The following MAP4 variants were observed in gnomAD, a reference collection of about 807,000 sequenced individuals.
MAP4 encodes microtubule-associated protein 4.
MAP4 carries 76 observed loss-of-function variants against 170.2 expected under a neutral mutation model. The observed-to-expected ratio is 0.45, with a 90% CI of 0.37 to 0.54. The LOEUF is 0.54. Ranked by LOEUF, MAP4 falls within the 20% of genes least tolerant of loss-of-function variation. The pLI, the probability that MAP4 is intolerant of heterozygous loss-of-function variation, is 0.00. For synonymous variants in MAP4, 909 were observed against 994.5 expected, an observed-to-expected ratio of 0.91 and a Z score of 1.62; for missense variants, 2,506 against 2,748.0, an observed-to-expected ratio of 0.91 and a Z score of 1.97.
At chr3:47,883,412 CG>C (rs1418327241) in intron 10 of MAP4, among the ~76,000 whole-genome samples, 1 of 151,724 alleles carries the variant, frequency 6.6e-6, no homozygotes, top group African/African-American at 2.4e-5. Context: ...TTAGTAGAGA[CG>C]GGGGTTTCTC....
At chr3:48,035,510 T>C (rs1453275518) in intron 1 of MAP4, among the ~76,000 whole-genome samples, 5 of 152,212 alleles carry the variant, frequency 3.3e-5, no homozygotes, top group African/African-American at 1.2e-4. Flanking sequence ...GGTATGTGCC[T>C]GTGGTCCCAG....
chr3:47,959,567 T>C (rs2100070170), intron 3 of MAP4, among the ~76,000 whole-genome samples: 1 of 151,682 alleles, frequency 6.6e-6, no homozygotes, highest in Non-Finnish European at 1.5e-5. Context: ...CCATCCTGGC[T>C]AACACGGTGA....
chr3:47,905,221 A>G (rs2100032266), intron 9 of MAP4, among the ~76,000 whole-genome samples: 1 of 152,232 alleles, frequency 6.6e-6, no homozygotes. Flanking sequence ...GATAAGCTAG[A>G]AACAGTGACT....
chr3:47,897,796 G>A (rs1329254909), intron 10 of MAP4, among the ~76,000 whole-genome samples: 1 of 151,762 alleles, frequency 6.6e-6, no homozygotes, highest in Non-Finnish European at 1.5e-5. Flanking sequence ...CAAAAAATTA[G>A]CTGGGTGTGG....
At chr3:47,989,552 C>T (rs1454126384) in intron 2 of MAP4, among the ~76,000 whole-genome samples, 1 of 152,034 alleles carries the variant, frequency 6.6e-6, no homozygotes, top group Non-Finnish European at 1.5e-5. Flanking sequence ...GATCAAGAAA[C>T]TTTACTAGAA....
intron 1 of MAP4, among the ~76,000 whole-genome samples, chr3:48,048,842 T>C (rs1460125354): frequency 6.6e-6 from 1 of 152,148 alleles, no homozygotes; most frequent in African/African-American, 2.4e-5. Context: ...CTAAGCAGTT[T>C]TGTCTCATGT....
intron 1 of MAP4, among the ~76,000 whole-genome samples, chr3:48,014,744 T>C (rs1232745078): frequency 6.6e-6 from 1 of 152,194 alleles, no homozygotes; most frequent in African/African-American, 2.4e-5. Flanking sequence ...TTCATTTTAC[T>C]GTGTCACATT....
chr3:47,972,998 C>T (rs2100079688), intron 3 of MAP4: 1 of 983,784 alleles, frequency 1.0e-6, no homozygotes, highest in Non-Finnish European at 1.2e-6. Context: ...AGACCTAGAA[C>T]TTGGGCCTCA....
intron 3 of MAP4, among the ~76,000 whole-genome samples, chr3:47,959,583 C>T (rs572808681): frequency 6.6e-6 from 1 of 151,776 alleles, no homozygotes; most frequent in African/African-American, 2.4e-5. Context: ...GGTGAAACCC[C>T]GTCTCTACTA....
intron 1 of MAP4, among the ~76,000 whole-genome samples, chr3:48,077,371 G>A (rs1048608491): frequency 1.1e-4 from 17 of 151,318 alleles, no homozygotes; most frequent in East Asian, 3.9e-4. Flanking sequence ...ACTTGAACCC[G>A]GGAGGCGGAG....
rs1185945692 is a variant in MAP4 at position 47,917,101 on chromosome 3, C to T, written c.726G>A (p.Met242Ile). 7 of 1,614,034 alleles carry T rather than the reference C, an allele frequency of 4.3e-6. No individual in the cohort carries two copies. Among genetic ancestry groups the T allele is most frequent in the Admixed American group, 1.7e-5 (1 of 60,008 alleles). Residue 242 changes from methionine (M) to isoleucine (I), a missense_variant, in exon 7 of 21, where the codon ATG becomes ATA. Coordinates refer to ENST00000683076, the MANE Select transcript of MAP4 (RefSeq NM_001385682.1). Reference sequence around the variant, plus strand: ...CCATGTCAGTAGTCTTCAGTCCCATCATTATTTCCAATGCTTGTGCTGGTG... The same window carrying T: ...CCATGTCAGTAGTCTTCAGTCCCATTATTATTTCCAATGCTTGTGCTGGTG... ...ERPPAQALEIMMGLKTTDMAP... is the reference protein window; with the variant it reads ...ERPPAQALEIIMGLKTTDMAP...
At chr3:47,979,249 AC>A (rs2100084018) in intron 2 of MAP4, among the ~76,000 whole-genome samples, 1 of 141,348 alleles carries the variant, frequency 7.1e-6, no homozygotes, top group Admixed American at 7.2e-5. Flanking sequence ...TTAGGTAGTT[AC>A]CTAATCACCT....
At chr3:48,084,350 A>ATC (rs2100148029) in intron 1 of MAP4, among the ~76,000 whole-genome samples, 6 of 149,990 alleles carry the variant, frequency 4.0e-5, no homozygotes, top group Admixed American at 3.4e-4. Flanking sequence ...GTGAGCTATG[A>ATC]TCTCCCCCAC....
At chr3:47,971,991 T>A (rs1051223251) in intron 3 of MAP4, among the ~76,000 whole-genome samples, 3 of 152,386 alleles carry the variant, frequency 2.0e-5, no homozygotes, top group South Asian at 4.1e-4. Context: ...GGTCAATTAT[T>A]CCTTATAGTA....
chr3:47,955,464 AC>A (rs1237416134), intron 3 of MAP4, among the ~76,000 whole-genome samples: 43 of 151,628 alleles, frequency 2.8e-4, no homozygotes, highest in Non-Finnish European at 4.3e-4. Context: ...ACACACACAC[AC>A]ACACACACAC....
At chr3:47,914,387 A>G (rs1360070317) in intron 8 of MAP4, among the ~76,000 whole-genome samples, 1 of 151,930 alleles carries the variant, frequency 6.6e-6, no homozygotes, top group Non-Finnish European at 1.5e-5. Flanking sequence ...GTGAAACCTC[A>G]TCTCTACTAA....
intron 12 of MAP4, among the ~76,000 whole-genome samples, chr3:47,875,052 C>A (rs1034880710): frequency 6.6e-6 from 1 of 152,160 alleles, no homozygotes; most frequent in African/African-American, 2.4e-5. Flanking sequence ...ATACAGAAAC[C>A]GTGGGTGACC....
chr3:47,889,554 A>G (rs1040406900), intron 10 of MAP4, among the ~76,000 whole-genome samples: 20 of 152,282 alleles, frequency 1.3e-4, no homozygotes, highest in Admixed American at 9.8e-4. Flanking sequence ...CAGAGTGGTT[A>G]GCAGAGTCAG....
chr3:48,053,369 C>CG (rs2100128908), intron 1 of MAP4, among the ~76,000 whole-genome samples: 1 of 151,946 alleles, frequency 6.6e-6, no homozygotes, highest in African/African-American at 2.4e-5. Flanking sequence ...TTCATTGAAA[C>CG]AACACTGCTA....
Sources: gnomAD v4.1 joint callset for allele counts (sites outside exome capture counted in the v4.1 genomes callset) on GRCh38, gnomAD v4.1.1 for gene constraint, MANE v1.5 for transcripts, NCBI Gene and HGNC (gene_info 2026-07-23, HGNC 2026-07-21) for gene names.